Variants in FLT1 observed in about 807,000 individuals in gnomAD.
The protein encoded by FLT1 is fms related receptor tyrosine kinase 1, also known as vascular endothelial growth factor receptor 1.
Under a neutral mutation model 156.3 loss-of-function variants are expected in FLT1, and 49 were observed. The observed-to-expected ratio is 0.31, with a 90% CI of 0.25 to 0.40. The LOEUF is 0.40. FLT1 is among the 10% of genes least tolerant of loss of function. The pLI is 1.00. For synonymous variants in FLT1, 594 were observed against 583.8 expected, an observed-to-expected ratio of 1.02 and a Z score of -0.25; for missense variants, 1,322 against 1,637.2, an observed-to-expected ratio of 0.81 and a Z score of 3.32.
intron 10 of FLT1, among the ~76,000 whole-genome samples, chr13:28,407,502 C>T (rs1484187006): frequency 2.0e-5 from 3 of 152,154 alleles, no homozygotes; most frequent in Non-Finnish European, 4.4e-5. Flanking sequence ...CAGTGCATCT[C>T]TCTAAAAAAT....
At chr13:28,386,627 C>T in intron 13 of FLT1, 1 of 1,056,080 alleles carries the variant, frequency 9.5e-7, no homozygotes. Flanking sequence ...GCATTGGATG[C>T]TATCTGCCAA....
chr13:28,458,037 C>A (rs912657492), intron 3 of FLT1, among the ~76,000 whole-genome samples: 1 of 147,494 alleles, frequency 6.8e-6, no homozygotes, highest in Non-Finnish European at 1.5e-5. Context: ...TGGGTTCAAG[C>A]GATTCTCCTG....
At chr13:28,425,683 A>G (rs1877295514) in intron 10 of FLT1, among the ~76,000 whole-genome samples, 1 of 152,166 alleles carries the variant, frequency 6.6e-6, no homozygotes, top group South Asian at 2.1e-4. Flanking sequence ...TTCCAGAAAA[A>G]TTCAACTCTA....
chr13:28,415,096 C>T (rs1470755577), intron 10 of FLT1, among the ~76,000 whole-genome samples: 6 of 152,208 alleles, frequency 3.9e-5, no homozygotes, highest in Non-Finnish European at 7.3e-5. Context: ...CAGTGTCATC[C>T]AGTCTAATGG....
intron 3 of FLT1, among the ~76,000 whole-genome samples, chr13:28,459,953 T>C (rs1261143579): frequency 2.6e-5 from 4 of 152,168 alleles, no homozygotes; most frequent in Non-Finnish European, 5.9e-5. Flanking sequence ...AGGGTCCTTC[T>C]GATCCCCACA....
chr13:28,417,500 A>T (rs562293797), intron 10 of FLT1, among the ~76,000 whole-genome samples: 1 of 152,056 alleles, frequency 6.6e-6, no homozygotes, highest in Non-Finnish European at 1.5e-5. Flanking sequence ...GAGACTCAAT[A>T]CAGTGTTATG....
chr13:28,408,560 C>G (rs1875949955), intron 10 of FLT1, among the ~76,000 whole-genome samples: 1 of 152,146 alleles, frequency 6.6e-6, no homozygotes, highest in Non-Finnish European at 1.5e-5. Flanking sequence ...AAGAATACAT[C>G]AAGCTCTTAA....
At chr13:28,358,193 C>T (rs1253886936) in intron 14 of FLT1, among the ~76,000 whole-genome samples, 3 of 152,190 alleles carry the variant, frequency 2.0e-5, no homozygotes, top group Admixed American at 2.0e-4. Flanking sequence ...AGTAACTTCA[C>T]CAAGAGCATG....
rs79036877 is a variant in FLT1 at position 28,469,635 on chromosome 13, C to T, written c.65-2018G>A. Among the ~76,000 whole-genome samples, 1,365 of 152,336 alleles carry T rather than the reference C, an allele frequency of 9.0e-3. 21 individuals carry two copies. The highest frequency in any genetic ancestry group is 0.032 in the African/African-American group (1,312 of 41,566). On this transcript the variant is annotated intron_variant, in intron 1 of 29. Coordinates refer to ENST00000282397, the MANE Select transcript of FLT1 (RefSeq NM_002019.4). ...CTATCACCAACATCTAGGGGAATCA[C>T]TTCCCCTCCCCCTGCTTCTGTCAGA...
At chr13:28,372,074 A>ATTTT (rs1290920015) in intron 14 of FLT1, among the ~76,000 whole-genome samples, 28 of 14,172 alleles carry the variant, frequency 2.0e-3, no homozygotes, top group Admixed American at 6.0e-3. Context: ...ATATATATAT[A>ATTTT]TATTTTTTTT....
At position 28,300,349 on chromosome 13, in the gene FLT1, G is replaced by A. The variant is rs1341732914; in HGVS notation, c.*2818C>T. On this transcript the variant is annotated 3_prime_UTR_variant, in exon 30 of 30. Coordinates refer to ENST00000282397, the MANE Select transcript of FLT1 (RefSeq NM_002019.4). ...AGCAAATCAGGGAGAAAATATATGT[G>A]TTTTTGGAAGTTTATTATATGAAGA... 1 of 233,010 alleles carries A rather than the reference G, an allele frequency of 4.3e-6. No homozygotes were observed. The highest frequency in any genetic ancestry group is 8.5e-6 in the Non-Finnish European group (1 of 118,000). The allele number at this position is 233,010 out of a possible 1,614,324, so 14.4% of individuals were successfully genotyped here.
intron 13 of FLT1, chr13:28,388,860 A>G: frequency 9.4e-7 from 1 of 1,063,166 alleles, no homozygotes; most frequent in South Asian, 4.6e-5. Context: ...TAACCAGAGG[A>G]CAGGAATATT....
rs571762083 is a variant in FLT1, at chr13:28,482,386, C to T, written c.64+12394G>A. ...CCAGGAGGTGGAGATTGCAGTGAGC[C>T]GAGATCACTCCAGCCTGGACAACAA... On this transcript the variant is annotated intron_variant, in intron 1 of 29. Transcript: ENST00000282397. 6.6e-5 allele frequency among the ~76,000 whole-genome samples: 10 copies of T among 150,978 alleles called. No homozygotes were observed. In the South Asian group the frequency reaches 1.3e-3, roughly 19 times the overall value.
intron 3 of FLT1, among the ~76,000 whole-genome samples, chr13:28,454,126 C>T (rs975256934): frequency 6.6e-6 from 1 of 152,144 alleles, no homozygotes; most frequent in African/African-American, 2.4e-5. Flanking sequence ...TTAATTGTAA[C>T]TCATTTTCTT....
chr13:28,307,498 T>C (rs1011858754), intron 28 of FLT1, among the ~76,000 whole-genome samples: 1 of 152,130 alleles, frequency 6.6e-6, no homozygotes, highest in Non-Finnish European at 1.5e-5. Context: ...TTGCTCAGTA[T>C]TTTTCCCTTG....
At chr13:28,342,963 TC>T (rs1452941398) in intron 16 of FLT1, among the ~76,000 whole-genome samples, 10 of 151,818 alleles carry the variant, frequency 6.6e-5, no homozygotes, top group East Asian at 1.9e-4. Flanking sequence ...TCTCTCTCTC[TC>T]TCTCTTTCTT....
chr13:28,348,945 C>T (rs1164179763), intron 15 of FLT1, among the ~76,000 whole-genome samples: 1 of 151,646 alleles, frequency 6.6e-6, no homozygotes, highest in African/African-American at 2.4e-5. Context: ...TTTAGGGTCA[C>T]GTCTCTGTTC....
In FLT1 at chr13:28,439,477, C is replaced by T. The variant is rs1167270260; in HGVS notation, c.389-1132G>A. Among the ~76,000 whole-genome samples, 1 of 152,218 alleles carries T rather than the reference C, an allele frequency of 6.6e-6. No homozygotes were observed. Among genetic ancestry groups the T allele is most frequent in the Admixed American group, 6.5e-5 (1 of 15,276 alleles). On this transcript the variant is annotated intron_variant, in intron 3 of 29. Coordinates refer to ENST00000282397, the MANE Select transcript of FLT1 (RefSeq NM_002019.4). The surrounding 1 kb of genome is among the most constrained non-coding windows in gnomAD (Gnocchi z 4.1). ...AGTAAGCAGGCAATGGTTGCCCAGA[C>T]TAGATGGTGGCTACAGTGATCATTA...
chr13:28,306,421 C>CA (rs1296638789), intron 29 of FLT1, among the ~76,000 whole-genome samples: 3 of 152,214 alleles, frequency 2.0e-5, no homozygotes, highest in African/African-American at 7.2e-5. Flanking sequence ...TCACCTGAGG[C>CA]ACTGTGCTGG....
Sources: allele counts gnomAD v4.1 joint callset (sites outside exome capture counted in the v4.1 genomes callset), GRCh38; gene constraint gnomAD v4.1.1; non-coding constraint Gnocchi (gnomAD v3.1); transcripts MANE v1.5; gene names NCBI Gene and HGNC (gene_info 2026-07-23, HGNC 2026-07-21).